The following RALYL variants were observed in gnomAD, a reference collection of about 807,000 sequenced individuals.
The protein encoded by RALYL is RALY RNA binding protein like, also known as RNA-binding Raly-like protein.
RALYL carries 29 observed loss-of-function variants against 35.1 expected under a neutral mutation model. The ratio of observed to expected loss-of-function variants is 0.83; its 90% CI spans 0.61 to 1.13. RALYL has a LOEUF of 1.13. Ranked by LOEUF, RALYL falls within the 50% of genes most tolerant of loss-of-function variation. The pLI, the probability that RALYL is intolerant of heterozygous loss-of-function variation, is 0.00. For missense variants in RALYL, 359 were observed against 360.4 expected (o/e 1.00, Z 0.03); for synonymous variants, 120 against 127.6 (o/e 0.94, Z 0.40).
At chr8:84,618,342 A>G (rs1187514208) in intron 2 of RALYL, among the ~76,000 whole-genome samples, 15 of 151,766 alleles carry the variant, frequency 9.9e-5, no homozygotes, top group Middle Eastern at 3.4e-3. Context: ...GTGTCGAGGA[A>G]TTTATCCATT....
At chr8:84,469,829 T>G (rs1261962845) in intron 1 of RALYL, among the ~76,000 whole-genome samples, 2 of 152,074 alleles carry the variant, frequency 1.3e-5, no homozygotes, top group Non-Finnish European at 2.9e-5. Context: ...AGGTGCGGGA[T>G]ATAATCTCGT....
intron 1 of RALYL, among the ~76,000 whole-genome samples, chr8:84,455,395 C>T (rs991973540): frequency 1.3e-5 from 2 of 151,854 alleles, no homozygotes; most frequent in South Asian, 4.1e-4. Context: ...GAAGAAGAAA[C>T]CTTTCATCAG....
At chr8:84,372,474 G>A (rs991507954) in intron 1 of RALYL, among the ~76,000 whole-genome samples, 4 of 151,978 alleles carry the variant, frequency 2.6e-5, no homozygotes, top group African/African-American at 9.7e-5. Flanking sequence ...GGGGCCAGTA[G>A]CAATTTAAAA....
intron 2 of RALYL, among the ~76,000 whole-genome samples, chr8:84,565,012 G>T (rs2061687640): frequency 1.3e-5 from 2 of 151,564 alleles, no homozygotes; most frequent in Admixed American, 1.3e-4. Context: ...TTTTGTTAAT[G>T]TGCTTTCATA....
intron 2 of RALYL, among the ~76,000 whole-genome samples, chr8:84,696,911 C>T (rs1205060222): frequency 6.6e-6 from 1 of 151,940 alleles, no homozygotes; most frequent in African/African-American, 2.4e-5. Flanking sequence ...GACACAAATA[C>T]ACACAAAATG....
intron 1 of RALYL, among the ~76,000 whole-genome samples, chr8:84,460,189 A>C (rs1320191191): frequency 6.6e-6 from 1 of 151,710 alleles, no homozygotes; most frequent in Admixed American, 6.6e-5. Context: ...TAAAATGTGC[A>C]ATAACTGAGG....
intron 3 of RALYL, among the ~76,000 whole-genome samples, chr8:84,775,383 G>A (rs754377314): frequency 1.3e-5 from 2 of 152,208 alleles, no homozygotes; most frequent in Non-Finnish European, 2.9e-5. Flanking sequence ...AACCTGAGAT[G>A]CAGTTTCTTA....
At chr8:84,737,998 G>A (rs1847625898) in intron 2 of RALYL, among the ~76,000 whole-genome samples, 1 of 152,044 alleles carries the variant, frequency 6.6e-6, no homozygotes, top group Non-Finnish European at 1.5e-5. Flanking sequence ...CCAAGACCAT[G>A]TCAGACATTG....
chr8:84,835,617 A>T (rs1831833163), intron 4 of RALYL, among the ~76,000 whole-genome samples: 2 of 142,190 alleles, frequency 1.4e-5, no homozygotes, highest in Admixed American at 1.5e-4. Context: ...TGGGAGGCAG[A>T]GGTTGCGATG....
At chr8:84,352,411 G>T (rs774886320) in intron 1 of RALYL, among the ~76,000 whole-genome samples, 6 of 150,006 alleles carry the variant, frequency 4.0e-5, no homozygotes, top group Non-Finnish European at 7.4e-5. Context: ...CAACATACAG[G>T]GTTCAAATAA....
At chr8:84,478,810 G>C (rs2053699760) in intron 1 of RALYL, among the ~76,000 whole-genome samples, 1 of 151,638 alleles carries the variant, frequency 6.6e-6, no homozygotes, top group Non-Finnish European at 1.5e-5. Context: ...ACACAGGCTG[G>C]GCGCAGTGGC....
intron 2 of RALYL, among the ~76,000 whole-genome samples, chr8:84,690,233 A>G (rs969705051): frequency 6.6e-6 from 1 of 152,172 alleles, no homozygotes; most frequent in African/African-American, 2.4e-5. Flanking sequence ...TTATAACCAC[A>G]TGGATGTATT....
At chr8:84,391,915 A>G (rs1160873489) in intron 1 of RALYL, among the ~76,000 whole-genome samples, 1 of 152,010 alleles carries the variant, frequency 6.6e-6, no homozygotes, top group Non-Finnish European at 1.5e-5. Flanking sequence ...TTGTTCATGC[A>G]TCTGTCATCA....
chr8:84,646,203 C>T (rs183923274), intron 2 of RALYL, among the ~76,000 whole-genome samples: 3 of 151,834 alleles, frequency 2.0e-5, no homozygotes, highest in East Asian at 3.9e-4. Context: ...ATGTCATTTA[C>T]ATTACCCTGG....
intron 1 of RALYL, among the ~76,000 whole-genome samples, chr8:84,419,439 A>G (rs536312868): frequency 7.2e-5 from 11 of 152,094 alleles, no homozygotes; most frequent in Non-Finnish European, 1.2e-4. Context: ...CCCATTCTGC[A>G]TCTGTACCAT....
At chr8:84,286,436 C>T (rs1022974889) in intron 1 of RALYL, among the ~76,000 whole-genome samples, 1 of 152,022 alleles carries the variant, frequency 6.6e-6, no homozygotes, top group Admixed American at 6.6e-5. Flanking sequence ...TTTTTGTTAC[C>T]GAACTGAACT....
intron 1 of RALYL, among the ~76,000 whole-genome samples, chr8:84,367,328 T>TTTTG (rs1854615080): frequency 4.1e-5 from 1 of 24,416 alleles, no homozygotes; most frequent in African/African-American, 4.0e-4. Context: ...ATTTTTTTTT[T>TTTTG]TTTTTTTTTT....
intron 2 of RALYL, among the ~76,000 whole-genome samples, chr8:84,688,385 A>G (rs1223987395): frequency 1.3e-5 from 2 of 152,142 alleles, no homozygotes; most frequent in African/African-American, 4.8e-5. Flanking sequence ...AAACAGATAT[A>G]TAGATTGAAG....
intron 1 of RALYL, among the ~76,000 whole-genome samples, chr8:84,263,946 A>T (rs777922545): frequency 3.3e-5 from 5 of 152,110 alleles, no homozygotes; most frequent in Admixed American, 6.5e-5. Flanking sequence ...ACATGATCTC[A>T]TTCTTTTTTA....
Sources: allele counts gnomAD v4.1 joint callset (sites outside exome capture counted in the v4.1 genomes callset), GRCh38; gene constraint gnomAD v4.1.1; transcripts MANE v1.5; gene names NCBI Gene and HGNC (gene_info 2026-07-23, HGNC 2026-07-21).